IRAK1BP1: variants seen among roughly 807,000 people sequenced by gnomAD.
IRAK1BP1 encodes interleukin 1 receptor associated kinase 1 binding protein 1, also known as interleukin-1 receptor-associated kinase 1-binding protein 1.
A neutral mutation model predicts 28.0 loss-of-function variants in IRAK1BP1; 24 were observed. The observed-to-expected ratio is 0.86, with a 90% CI of 0.62 to 1.20. The LOEUF (loss-of-function observed/expected upper bound fraction) is 1.20. Among genes scored for constraint, IRAK1BP1 ranks in the 50% most tolerant of loss-of-function variants. The pLI, the probability that IRAK1BP1 is intolerant of heterozygous loss-of-function variation, is 0.00. For synonymous variants in IRAK1BP1, 131 were observed against 116.3 expected (o/e 1.13, Z -0.81); for missense variants, 336 against 316.7 (o/e 1.06, Z -0.46).
At chr6:78,890,362 A>C (rs978957146) in intron 2 of IRAK1BP1, among the ~76,000 whole-genome samples, 5 of 152,050 alleles carry the variant, frequency 3.3e-5, no homozygotes, top group Admixed American at 3.3e-4. Context: ...GGGCATGTGT[A>C]TGTAACAACC....
the IRAK1BP1 span, among the ~76,000 whole-genome samples, chr6:78,977,705 T>C: frequency 0.012 from 1,776 of 152,246 alleles, 45 homozygotes; most frequent in African/African-American, 0.041. Context: ...TAATTTCACA[T>C]CTTAATGCTA....
chr6:78,878,215 C>T (rs958466376), intron 1 of IRAK1BP1, among the ~76,000 whole-genome samples: 3 of 152,166 alleles, frequency 2.0e-5, no homozygotes, highest in African/African-American at 7.2e-5. Context: ...CTCTGACCCC[C>T]GAGTAGCCTA....
the IRAK1BP1 span, chr6:78,971,016 CCCT>C: frequency 2.7e-5 from 17 of 632,276 alleles, no homozygotes; most frequent in African/African-American, 3.2e-4. Flanking sequence ...AATATTTTCT[CCCT>C]CCTCCTTTCT....
the IRAK1BP1 span, among the ~76,000 whole-genome samples, chr6:78,978,914 A>C: frequency 6.2e-3 from 938 of 152,236 alleles, 11 homozygotes; most frequent in African/African-American, 0.021. Context: ...TTGGAAAAAA[A>C]ATTCCACAAA....
intron 4 of IRAK1BP1, among the ~76,000 whole-genome samples, chr6:78,921,032 A>G (rs757593495): frequency 6.6e-6 from 1 of 152,158 alleles, no homozygotes; most frequent in Non-Finnish European, 1.5e-5. Flanking sequence ...TGCATTTCCA[A>G]CTGAGGTACC....
chr6:78,931,378 A>G (rs1037513234), intron 4 of IRAK1BP1, among the ~76,000 whole-genome samples: 22 of 152,138 alleles, frequency 1.4e-4, no homozygotes, highest in African/African-American at 4.3e-4. Flanking sequence ...GTGCCACTGC[A>G]CTCCAGTCTG....
the IRAK1BP1 span, among the ~76,000 whole-genome samples, chr6:78,971,701 C>G: frequency 6.6e-6 from 1 of 152,156 alleles, no homozygotes; most frequent in Non-Finnish European, 1.5e-5. Flanking sequence ...TAGGGTGAGG[C>G]ATTGCCTCAC....
At chr6:78,968,405 G>T in the IRAK1BP1 span, among the ~76,000 whole-genome samples, 1 of 152,116 alleles carries the variant, frequency 6.6e-6, no homozygotes, top group Non-Finnish European at 1.5e-5. Flanking sequence ...GGCAGATTCT[G>T]CATCAGCAAC....
chr6:78,938,706 TA>T (rs1773361657), intron 4 of IRAK1BP1: 1 of 151,638 alleles, frequency 6.6e-6, no homozygotes, highest in African/African-American at 2.4e-5. Flanking sequence ...AAAAAATAAA[TA>T]TACAAAAAAC....
At chr6:78,913,497 T>A (rs9448594) in intron 4 of IRAK1BP1, among the ~76,000 whole-genome samples, 39,946 of 151,924 alleles carry the variant, frequency 0.26, 5,580 homozygotes, top group Non-Finnish European at 0.31. Context: ...AATATAAAAA[T>A]TAGCTGCGCA....
the IRAK1BP1 span, chr6:78,970,709 C>T: frequency 1.0e-5 from 10 of 954,850 alleles, no homozygotes; most frequent in African/African-American, 1.6e-5. Context: ...TTAATAGTAA[C>T]CTTTGATACA....
chr6:78,921,489 C>T (rs1344389815), intron 4 of IRAK1BP1, among the ~76,000 whole-genome samples: 1 of 152,230 alleles, frequency 6.6e-6, no homozygotes, highest in Non-Finnish European at 1.5e-5. Flanking sequence ...GTAGACTCCA[C>T]CTCTAGGGGC....
At chr6:78,910,757 C>A (rs1025241626) in intron 4 of IRAK1BP1, among the ~76,000 whole-genome samples, 3 of 152,262 alleles carry the variant, frequency 2.0e-5, no homozygotes, top group Non-Finnish European at 4.4e-5. Context: ...CGCTTCTCGC[C>A]GGCTGGGACT....
chr6:78,916,872 A>G (rs1772573924), intron 4 of IRAK1BP1, among the ~76,000 whole-genome samples: 1 of 152,092 alleles, frequency 6.6e-6, no homozygotes, highest in Non-Finnish European at 1.5e-5. Flanking sequence ...TGAACCCAGG[A>G]AGTGGAGGTT....
chr6:78,915,195 A>C (rs903687616), intron 4 of IRAK1BP1, among the ~76,000 whole-genome samples: 1 of 152,214 alleles, frequency 6.6e-6, no homozygotes. Flanking sequence ...TTCTGGCCAC[A>C]TGATATGGAT....
chr6:78,976,195 G>A, the IRAK1BP1 span, among the ~76,000 whole-genome samples: 2 of 149,344 alleles, frequency 1.3e-5, no homozygotes, highest in African/African-American at 4.9e-5. Context: ...CAATGGAACA[G>A]AACAGAGCCC....
At chr6:78,960,231 A>G in the IRAK1BP1 span, among the ~76,000 whole-genome samples, 116 of 152,284 alleles carry the variant, frequency 7.6e-4, no homozygotes, top group African/African-American at 2.6e-3. Context: ...TACTTTAGCA[A>G]TTATCATGTT....
chr6:78,923,399 G>A (rs1772797217), intron 4 of IRAK1BP1, among the ~76,000 whole-genome samples: 2 of 152,060 alleles, frequency 1.3e-5, no homozygotes, highest in African/African-American at 4.8e-5. Context: ...CCCAATACAG[G>A]AGCACCCAGA....
chr6:78,880,718 A>T (rs906362004), intron 1 of IRAK1BP1, among the ~76,000 whole-genome samples: 1 of 152,222 alleles, frequency 6.6e-6, no homozygotes, highest in African/African-American at 2.4e-5. Context: ...TGCACAAAAG[A>T]TCTTAACAGA....
Sources: gnomAD v4.1 joint callset for allele counts (sites outside exome capture counted in the v4.1 genomes callset) on GRCh38, gnomAD v4.1.1 for gene constraint, MANE v1.5 for transcripts, NCBI Gene and HGNC (gene_info 2026-07-23, HGNC 2026-07-21) for gene names.